Variants in SLC14A2 observed in about 807,000 individuals in gnomAD.
The protein encoded by SLC14A2 is solute carrier family 14 member 2.
Under a neutral mutation model 104.6 loss-of-function variants are expected in SLC14A2, and 91 were observed. The observed-to-expected ratio is 0.87, with a 90% CI of 0.73 to 1.04. SLC14A2 has a LOEUF of 1.04. Ranked by LOEUF, SLC14A2 falls within the 50% of genes least tolerant of loss-of-function variation. The pLI, the probability that SLC14A2 is intolerant of heterozygous loss-of-function variation, is 0.00. For missense variants in SLC14A2, 1,189 were observed against 1,156.0 expected, an observed-to-expected ratio of 1.03 and a Z score of -0.41; for synonymous variants, 476 against 466.4, an observed-to-expected ratio of 1.02 and a Z score of -0.27.
intron 10 of SLC14A2, chr18:45,647,426 T>A (rs1160628132): frequency 6.6e-6 from 1 of 152,242 alleles, no homozygotes; most frequent in African/African-American, 2.4e-5. Flanking sequence ...TGCAAGGAGT[T>A]CGTTAATTTT....
intron 2 of SLC14A2, among the ~76,000 whole-genome samples, chr18:45,604,000 C>T (rs1003077008): frequency 1.2e-4 from 19 of 152,192 alleles, no homozygotes; most frequent in Admixed American, 9.8e-4. Flanking sequence ...GGCTCACTTT[C>T]GTTGGATTCA....
At chr18:45,471,860 AT>A (rs1568225037) in intron 1 of SLC14A2, among the ~76,000 whole-genome samples, 4 of 149,370 alleles carry the variant, frequency 2.7e-5, no homozygotes, top group Admixed American at 1.3e-4. Flanking sequence ...TTGTTTTTTT[AT>A]TTGTATGTTT....
intron 11 of SLC14A2, among the ~76,000 whole-genome samples, chr18:45,664,769 C>T (rs920516453): frequency 1.3e-5 from 2 of 152,172 alleles, no homozygotes; most frequent in Admixed American, 6.5e-5. Context: ...GGAAAATACA[C>T]GAGGTGGAGA....
intron 1 of SLC14A2, among the ~76,000 whole-genome samples, chr18:45,478,401 G>C (rs1230562967): frequency 6.6e-6 from 1 of 152,206 alleles, no homozygotes. Context: ...ATCTCACTGA[G>C]AGCTGCAGAC....
chr18:45,371,901 A>C (rs2085726848), intron 1 of SLC14A2, among the ~76,000 whole-genome samples: 1 of 152,230 alleles, frequency 6.6e-6, no homozygotes, highest in Non-Finnish European at 1.5e-5. Flanking sequence ...GATATAGAAA[A>C]GGGTTATCTG....
intron 2 of SLC14A2, among the ~76,000 whole-genome samples, chr18:45,526,454 G>T (rs536432716): frequency 2.0e-5 from 3 of 152,172 alleles, no homozygotes; most frequent in Non-Finnish European, 4.4e-5. Flanking sequence ...GACTAAGTCT[G>T]CTTGGCACTA....
At chr18:45,205,905 A>G in the SLC14A2 span, among the ~76,000 whole-genome samples, 1 of 152,194 alleles carries the variant, frequency 6.6e-6, no homozygotes, top group Non-Finnish European at 1.5e-5. Context: ...AGCAGCATGG[A>G]AAGAGGGAGG....
chr18:45,222,601 G>A (rs1300014328), intron 1 of SLC14A2, among the ~76,000 whole-genome samples: 2 of 152,138 alleles, frequency 1.3e-5, no homozygotes, highest in Non-Finnish European at 2.9e-5. Context: ...GAGAGAATGG[G>A]GGTTGGGTAC....
chr18:45,634,318 C>A (rs1205247979), intron 5 of SLC14A2, among the ~76,000 whole-genome samples: 1 of 152,210 alleles, frequency 6.6e-6, no homozygotes, highest in African/African-American at 2.4e-5. Flanking sequence ...GGAAAAGTCT[C>A]TATTCCCTTG....
At position 45,662,971 on chromosome 18, in the gene SLC14A2, G is replaced by A. The variant is rs866522406; in HGVS notation, c.1352-814G>A. On this transcript the variant is annotated intron_variant, in intron 10 of 19. Transcript: ENST00000255226. ...TCAGTTCTTGATCCACACATTGAGA[G>A]ACCCTATCCCAAGTGATAAGAGTGC... 3.3e-5 allele frequency among the ~76,000 whole-genome samples: 5 copies of A among 152,296 alleles called. No individual in the cohort carries two copies. In the South Asian group the frequency reaches 8.3e-4, roughly 25 times the overall value.
intron 1 of SLC14A2, among the ~76,000 whole-genome samples, chr18:45,290,844 G>A (rs541151177): frequency 6.6e-6 from 1 of 152,216 alleles, no homozygotes; most frequent in Non-Finnish European, 1.5e-5. Context: ...TATTTCTATG[G>A]AAAATAGAAC....
rs114632719 is a variant in SLC14A2, at chr18:45,299,880, G to A, written c.-125+86689G>A. On this transcript the variant is annotated intron_variant, in intron 1 of 20. Transcript: ENST00000586448. ...AGGCAGAAAGTTTCTAGTACTTGTC[G>A]TGTCTTGGCCTGTTCTCTGAGACTG... Among the ~76,000 whole-genome samples the A allele has an allele frequency of 3.9e-3, 589 of 152,324 alleles. 4 individuals are homozygous for A. Among genetic ancestry groups the A allele is most frequent in the Middle Eastern group, 0.017 (5 of 294 alleles).
At position 45,668,381 on chromosome 18, in the gene SLC14A2, A is replaced by C. The variant is rs148811905; in HGVS notation, c.1940A>C (p.Asn647Thr). ...SAIAAGFHGY[N>T]GVLVGLLMAV... Reference sequence around the variant, plus strand: ...ATCGCTGCAGGATTTCACGGCTACAATGGGGTGCTGGTGGGGCTGCTGATG... The same window carrying C: ...ATCGCTGCAGGATTTCACGGCTACACTGGGGTGCTGGTGGGGCTGCTGATG... Residue 647 changes from asparagine to threonine, a missense_variant, in exon 15 of 20, where the codon AAT (asparagine) becomes ACT (threonine). Asn to Thr is a moderately conservative substitution (Grantham distance 65). Transcript: ENST00000255226. The C allele has an allele frequency of 1.5e-5, 25 of 1,614,116 alleles. 1 individual carries two copies. The South Asian group carries it at 2.5e-4, about 16-fold the overall frequency.
At chr18:45,600,327 C>T (rs2044770686) in intron 2 of SLC14A2, among the ~76,000 whole-genome samples, 1 of 151,954 alleles carries the variant, frequency 6.6e-6, no homozygotes, top group African/African-American at 2.4e-5. Flanking sequence ...GGGGTTCCAT[C>T]CTGCAATTCA....
At chr18:45,400,604 T>C (rs189576622) in intron 1 of SLC14A2, among the ~76,000 whole-genome samples, 88 of 152,322 alleles carry the variant, frequency 5.8e-4, no homozygotes, top group Admixed American at 2.0e-3. Flanking sequence ...TGAGATCTCT[T>C]CCATTAACCC....
intron 2 of SLC14A2, among the ~76,000 whole-genome samples, chr18:45,602,359 G>T (rs2044803292): frequency 1.3e-5 from 2 of 152,170 alleles, no homozygotes; most frequent in Admixed American, 6.5e-5. Context: ...GATAGAATGA[G>T]GGCACTGGAT....
At chr18:45,553,408 G>A (rs890737982) in intron 2 of SLC14A2, among the ~76,000 whole-genome samples, 1 of 152,144 alleles carries the variant, frequency 6.6e-6, no homozygotes, top group African/African-American at 2.4e-5. Flanking sequence ...CTGCTAGAAG[G>A]GGCTTAATCA....
chr18:45,410,091 A>G (rs2086198199), intron 1 of SLC14A2, among the ~76,000 whole-genome samples: 2 of 152,272 alleles, frequency 1.3e-5, no homozygotes, highest in Admixed American at 6.5e-5. Context: ...CCTCCCATGC[A>G]CAGTTCACAA....
At chr18:45,183,691 C>T in the SLC14A2 span, among the ~76,000 whole-genome samples, 5 of 149,954 alleles carry the variant, frequency 3.3e-5, no homozygotes, top group African/African-American at 1.2e-4. Context: ...TTCTCTCTTT[C>T]TCTCTGTCTC....
Sources: allele counts gnomAD v4.1 joint callset (sites outside exome capture counted in the v4.1 genomes callset), GRCh38; gene constraint gnomAD v4.1.1; transcripts MANE v1.5; gene names NCBI Gene and HGNC (gene_info 2026-07-23, HGNC 2026-07-21).